Variants in DLC1 observed in about 807,000 individuals in gnomAD.
DLC1 encodes rho GTPase-activating protein 7.
Under a neutral mutation model 140.3 loss-of-function variants are expected in DLC1, and 54 were observed. The observed-to-expected ratio is 0.38, with a 90% CI of 0.31 to 0.48. The LOEUF is 0.48. Ranked by LOEUF, DLC1 falls within the 20% of genes least tolerant of loss-of-function variation. The pLI is 0.96. For synonymous variants in DLC1, 986 were observed against 728.1 expected, an observed-to-expected ratio of 1.35 and a Z score of -5.70; for missense variants, 2,536 against 1,907.0, an observed-to-expected ratio of 1.33 and a Z score of -6.14.
chr8:13,433,951 G>A (rs554163543), intron 2 of DLC1, among the ~76,000 whole-genome samples: 2 of 152,316 alleles, frequency 1.3e-5, no homozygotes, highest in Non-Finnish European at 2.9e-5. Context: ...CGCCTCCTGG[G>A]TTCAAGCAAT....
At chr8:13,131,559 A>G (rs13255113) in intron 5 of DLC1, among the ~76,000 whole-genome samples, 69,581 of 149,710 alleles carry the variant, frequency 0.46, 16,227 homozygotes, top group Admixed American at 0.56. Flanking sequence ...GGATGGGAAA[A>G]GGTGGGGAGT....
chr8:13,229,312 C>T (rs998656339), intron 5 of DLC1, among the ~76,000 whole-genome samples: 4 of 152,084 alleles, frequency 2.6e-5, no homozygotes, highest in African/African-American at 9.7e-5. Context: ...AAACACTATG[C>T]TAAGTGAAAG....
At chr8:13,556,774 T>C (rs1804061300) in intron 1 of DLC1, among the ~76,000 whole-genome samples, 1 of 152,182 alleles carries the variant, frequency 6.6e-6, no homozygotes, top group South Asian at 2.1e-4. Flanking sequence ...CATATGCTTA[T>C]TTCTAAAGTG....
intron 1 of DLC1, among the ~76,000 whole-genome samples, chr8:13,563,919 C>G (rs1357236392): frequency 2.0e-5 from 3 of 151,880 alleles, no homozygotes; most frequent in Non-Finnish European, 4.4e-5. Context: ...AAAAATTGTT[C>G]ATAAAACCAA....
chr8:13,378,534 C>G (rs562283924), intron 4 of DLC1, among the ~76,000 whole-genome samples: 62 of 152,056 alleles, frequency 4.1e-4, no homozygotes, highest in African/African-American at 1.5e-3. Flanking sequence ...TGAAAAAAAC[C>G]TGAAAAGATT....
chr8:13,281,369 A>G (rs1047736488), intron 5 of DLC1, among the ~76,000 whole-genome samples: 5 of 152,238 alleles, frequency 3.3e-5, no homozygotes, highest in Non-Finnish European at 5.9e-5. Flanking sequence ...TTGATAGACC[A>G]AAAAACTACA....
At chr8:13,370,049 A>G (rs375244546) in intron 4 of DLC1, among the ~76,000 whole-genome samples, 21 of 150,736 alleles carry the variant, frequency 1.4e-4, no homozygotes, top group African/African-American at 5.1e-4. Context: ...CAGAACATCT[A>G]GTTTGCCCTT....
intron 5 of DLC1, among the ~76,000 whole-genome samples, chr8:13,176,137 A>T (rs1349137642): frequency 6.6e-6 from 1 of 152,182 alleles, no homozygotes; most frequent in African/African-American, 2.4e-5. Flanking sequence ...AAAATATATT[A>T]TAGTCAGGTC....
intron 5 of DLC1, among the ~76,000 whole-genome samples, chr8:13,164,314 A>ATATCTATCTATCTATC (rs531754750): frequency 2.8e-4 from 41 of 148,836 alleles, no homozygotes; most frequent in African/African-American, 9.9e-4. Flanking sequence ...AAAAATCTCT[A>ATATCTATCTATCTATC]TATCTATCTA....
At chr8:13,420,047 A>C (rs1838245382) in intron 2 of DLC1, among the ~76,000 whole-genome samples, 1 of 151,856 alleles carries the variant, frequency 6.6e-6, no homozygotes, top group Non-Finnish European at 1.5e-5. Flanking sequence ...TTTCTGTGGG[A>C]TCGGTGGTGA....
At chr8:13,582,511 C>G (rs1036124730) in intron 1 of DLC1, among the ~76,000 whole-genome samples, 1 of 152,040 alleles carries the variant, frequency 6.6e-6, no homozygotes, top group African/African-American at 2.4e-5. Context: ...AAAGGTTAGA[C>G]TGGCCTGGGC....
At chr8:13,213,116 T>TA (rs1828023398) in intron 5 of DLC1, among the ~76,000 whole-genome samples, 2 of 152,218 alleles carry the variant, frequency 1.3e-5, no homozygotes, top group South Asian at 4.1e-4. Flanking sequence ...AAAGACTTAA[T>TA]AAAAATTCTG....
At chr8:13,448,872 A>G (rs1185031316) in intron 2 of DLC1, among the ~76,000 whole-genome samples, 1 of 129,256 alleles carries the variant, frequency 7.7e-6, no homozygotes, top group African/African-American at 2.5e-5. Flanking sequence ...ATACACTAGC[A>G]GATTTCACAG....
chr8:13,155,348 C>T (rs1359977315), intron 5 of DLC1, among the ~76,000 whole-genome samples: 1 of 141,032 alleles, frequency 7.1e-6, no homozygotes, highest in Non-Finnish European at 1.6e-5. Flanking sequence ...AAAACCACCT[C>T]CACCAAAAAG....
intron 1 of DLC1, among the ~76,000 whole-genome samples, chr8:13,555,650 C>A (rs1804017787): frequency 6.6e-6 from 1 of 151,168 alleles, no homozygotes; most frequent in South Asian, 2.1e-4. Context: ...CGCCACCATG[C>A]CTAGCTATTA....
At chr8:13,373,126 C>T (rs949016214) in intron 4 of DLC1, among the ~76,000 whole-genome samples, 15 of 152,154 alleles carry the variant, frequency 9.9e-5, no homozygotes, top group African/African-American at 1.7e-4. Context: ...AGCATTCCTC[C>T]GGCCTAGATG....
chr8:13,122,919 C>G (rs1478766881), intron 5 of DLC1, among the ~76,000 whole-genome samples: 1 of 152,022 alleles, frequency 6.6e-6, no homozygotes, highest in African/African-American at 2.4e-5. Flanking sequence ...TATTTTAGTA[C>G]AGTCCTATGT....
chr8:13,194,144 A>T (rs1160053448), intron 5 of DLC1, among the ~76,000 whole-genome samples: 1 of 152,222 alleles, frequency 6.6e-6, no homozygotes, highest in African/African-American at 2.4e-5. Flanking sequence ...TCTAGGAAGA[A>T]AACATACCTG....
At chr8:13,231,540 T>G (rs1049051544) in intron 5 of DLC1, among the ~76,000 whole-genome samples, 1 of 152,242 alleles carries the variant, frequency 6.6e-6, no homozygotes, top group African/African-American at 2.4e-5. Flanking sequence ...TGAAGAAAAC[T>G]TATAGAAGAC....
Sources: allele counts gnomAD v4.1 joint callset (sites outside exome capture counted in the v4.1 genomes callset), GRCh38; gene constraint gnomAD v4.1.1; transcripts MANE v1.5; gene names NCBI Gene and HGNC (gene_info 2026-07-23, HGNC 2026-07-21).